Variants in CACNA1C observed in about 807,000 individuals in gnomAD.
CACNA1C encodes the protein calcium voltage-gated channel subunit alpha1 C.
CACNA1C carries 30 observed loss-of-function variants against 229.0 expected under a neutral mutation model. That is an observed-to-expected ratio of 0.13 (90% CI 0.10 to 0.18). The LOEUF (loss-of-function observed/expected upper bound fraction) is 0.18. Ranked by LOEUF, CACNA1C falls within the 10% of genes least tolerant of loss-of-function variation. The pLI, the probability that CACNA1C is intolerant of heterozygous loss-of-function variation, is 1.00. For synonymous variants in CACNA1C, 1,114 were observed against 1,132.5 expected, an observed-to-expected ratio of 0.98 and a Z score of 0.33; for missense variants, 1,658 against 2,845.0, an observed-to-expected ratio of 0.58 and a Z score of 9.49.
At chr12:2,435,941 A>C (rs2099130534) in intron 3 of CACNA1C, among the ~76,000 whole-genome samples, 1 of 152,206 alleles carries the variant, frequency 6.6e-6, no homozygotes, top group Admixed American at 6.5e-5. Context: ...GCAGAACCAC[A>C]GGAAAAGGAG....
chr12:2,100,854 A>G (rs1027493112), intron 1 of CACNA1C, among the ~76,000 whole-genome samples: 1 of 151,826 alleles, frequency 6.6e-6, no homozygotes, highest in Non-Finnish European at 1.5e-5. Flanking sequence ...GGAGTTGGAG[A>G]CCAGCCTGGG....
At position 2,207,229 on chromosome 12, in the gene CACNA1C, A is replaced by G. The variant is rs558942514; in HGVS notation, c.477+86799A>G. ...CTTTCCCGACCCATGACACACCTGG[A>G]CTCTTCCCTTCCCTTTTTCTGGCTG... On this transcript the variant is annotated intron_variant, in intron 3 of 46. Transcript: ENST00000399655. 2.0e-5 allele frequency among the ~76,000 whole-genome samples: 3 copies of G among 151,990 alleles called. No individual in the cohort carries two copies. In the South Asian group the frequency reaches 6.2e-4, roughly 32 times the overall value.
Position 2,595,750 on chromosome 12 carries a change from C to A in CACNA1C, c.2664-124C>A. ...AGACTTCAGAATGAAGAGGTCACTT[C>A]AGGCCAACAAGCACCTGTTGCCAGC... On this transcript the variant is annotated intron_variant, in intron 19 of 46. Transcript: ENST00000399655. The surrounding 1 kb of genome is among the most constrained non-coding windows in gnomAD (Gnocchi z 4.1). 1 of 821,220 alleles carries A rather than the reference C, an allele frequency of 1.2e-6. No individual in the cohort carries two copies. Among genetic ancestry groups the A allele is most frequent in the Non-Finnish European group, 1.9e-6 (1 of 522,648 alleles). The allele number at this position is 821,220 out of a possible 1,614,324, so 50.9% of individuals were successfully genotyped here.
chr12:2,498,705 A>C (rs1367316863), intron 7 of CACNA1C, among the ~76,000 whole-genome samples: 1 of 152,212 alleles, frequency 6.6e-6, no homozygotes, highest in Admixed American at 6.5e-5. Flanking sequence ...AGGGGCACAG[A>C]GCACTCCAGG....
At position 2,168,193 on chromosome 12, in the gene CACNA1C, C is replaced by T. The variant is rs530580121; in HGVS notation, c.477+47763C>T. On this transcript the variant is annotated intron_variant, in intron 3 of 46. Coordinates refer to ENST00000399655, the MANE Select transcript of CACNA1C (RefSeq NM_000719.7). ...TATATTAAGGAATTTGAACTAGATC[C>T]TGAAGGCTGTGATGGAGAGCTTTAA... 1.1e-3 allele frequency among the ~76,000 whole-genome samples: 165 copies of T among 152,256 alleles called. 2 individuals are homozygous for T. In the South Asian group the frequency reaches 0.034, roughly 31 times the overall value.
intron 9 of CACNA1C, among the ~76,000 whole-genome samples, chr12:2,542,452 A>AT (rs1454702895): frequency 6.6e-6 from 1 of 152,152 alleles, no homozygotes; most frequent in Non-Finnish European, 1.5e-5. Flanking sequence ...GACATTGCCC[A>AT]TTTTTTGTTG....
At chr12:2,578,175 A>G (rs1462210789) in intron 13 of CACNA1C, among the ~76,000 whole-genome samples, 1 of 152,176 alleles carries the variant, frequency 6.6e-6, no homozygotes, top group African/African-American at 2.4e-5. Flanking sequence ...GCCAGAAGTA[A>G]TTATTCTTTG....
intron 3 of CACNA1C, among the ~76,000 whole-genome samples, chr12:2,399,888 C>G (rs749293182): frequency 6.6e-6 from 1 of 152,234 alleles, no homozygotes. Context: ...TGAACTCTGA[C>G]TTCCTGTCTC....
Position 2,689,120 on chromosome 12 carries a change from G to A in CACNA1C, c.6117+341G>A, listed in dbSNP as rs1462420247. 1.3e-5 allele frequency among the ~76,000 whole-genome samples: 2 copies of A among 152,172 alleles called. No homozygotes were observed. The highest frequency in any genetic ancestry group is 6.5e-5 in the Admixed American group (1 of 15,290). Reference sequence around the variant, plus strand: ...CCAAGGTGCTCAGGCCTGACTGCCCGTGAGCATCACCTGGGGAGCTTTGGA... The same window carrying A: ...CCAAGGTGCTCAGGCCTGACTGCCCATGAGCATCACCTGGGGAGCTTTGGA... On this transcript the variant is annotated intron_variant, in intron 46 of 46. Coordinates refer to ENST00000399655, the MANE Select transcript of CACNA1C (RefSeq NM_000719.7). The surrounding 1 kb of genome is among the most constrained non-coding windows in gnomAD (Gnocchi z 4.2).
intron 3 of CACNA1C, among the ~76,000 whole-genome samples, chr12:2,395,011 T>G (rs968721874): frequency 1.3e-5 from 2 of 152,072 alleles, no homozygotes; most frequent in East Asian, 3.9e-4. Context: ...CCAGCCTTAT[T>G]TATTTATTTA....
chr12:2,607,204 G>A (rs369553850), intron 26 of CACNA1C, 74 bp downstream of exon 26: 1 of 1,484,764 alleles, frequency 6.7e-7, no homozygotes, highest in African/African-American at 1.4e-5. Context: ...CCATCCCCAA[G>A]TTTTGTTAAT....
chr12:2,160,718 CATTT>C (rs2095812416), intron 3 of CACNA1C, among the ~76,000 whole-genome samples: 1 of 152,180 alleles, frequency 6.6e-6, no homozygotes, highest in African/African-American at 2.4e-5. Context: ...GGAAACTGCC[CATTT>C]ATTTAAGATA....
Position 2,152,838 on chromosome 12 carries a change from G to A in CACNA1C, c.477+32408G>A, listed in dbSNP as rs1219107591. Among the ~76,000 whole-genome samples, 3 of 152,182 alleles carry A rather than the reference G, an allele frequency of 2.0e-5. No individual in the cohort carries two copies. Among genetic ancestry groups the A allele is most frequent in the Admixed American group, 6.5e-5 (1 of 15,274 alleles). On this transcript the variant is annotated intron_variant, in intron 3 of 46. Coordinates refer to ENST00000399655, the MANE Select transcript of CACNA1C (RefSeq NM_000719.7). The surrounding 1 kb of genome is among the most constrained non-coding windows in gnomAD (Gnocchi z 4.2). ...GTTTCCCATGTCACCCACAGGACTG[G>A]TGTGCCCGGTAGGAAAGATTGGTAG...
chr12:2,281,811 G>A (rs1316857152), intron 3 of CACNA1C, among the ~76,000 whole-genome samples: 1 of 151,680 alleles, frequency 6.6e-6, no homozygotes, highest in East Asian at 1.9e-4. Flanking sequence ...TGGAACCTGT[G>A]GGTTTATATT....
intron 3 of CACNA1C, among the ~76,000 whole-genome samples, chr12:2,307,725 T>G (rs2095155264): frequency 6.6e-6 from 1 of 152,224 alleles, no homozygotes; most frequent in African/African-American, 2.4e-5. Context: ...CTCAGGTGCA[T>G]TTGAATTTGC....
intron 9 of CACNA1C, among the ~76,000 whole-genome samples, chr12:2,542,628 C>T (rs879811412): frequency 6.6e-6 from 1 of 152,206 alleles, no homozygotes; most frequent in Non-Finnish European, 1.5e-5. Context: ...AGCTCTAGCA[C>T]TCCTCCCCTA....
At chr12:2,088,088 A>G (rs2068449961) in intron 1 of CACNA1C, among the ~76,000 whole-genome samples, 1 of 152,236 alleles carries the variant, frequency 6.6e-6, no homozygotes, top group South Asian at 2.1e-4. Flanking sequence ...GGAGGTTTGA[A>G]TGAGAAGTAA....
intron 3 of CACNA1C, among the ~76,000 whole-genome samples, chr12:2,421,190 CAT>C (rs548899607): frequency 4.5e-4 from 69 of 152,268 alleles, no homozygotes; most frequent in Admixed American, 1.4e-3. Context: ...ATATATAAAA[CAT>C]GTGATGATTG....
rs60502151 is a variant in CACNA1C, at chr12:2,008,823, C to T, written c.139+37622C>T. ...TCAGCATTGCCATATTGTTCATCTC[C>T]CTGGCCCACAGAGATTTATTTATTT... On this transcript the variant is annotated intron_variant, in intron 1 of 46. Transcript: ENST00000682462. Among the ~76,000 whole-genome samples, 242 of 152,220 alleles carry T rather than the reference C, an allele frequency of 1.6e-3. 1 individual carries two copies. Among genetic ancestry groups the T allele is most frequent in the African/African-American group, 5.7e-3 (236 of 41,546 alleles).
Sources: gnomAD v4.1 joint callset for allele counts (sites outside exome capture counted in the v4.1 genomes callset) on GRCh38, gnomAD v4.1.1 for gene constraint, Gnocchi (gnomAD v3.1) non-coding constraint, MANE v1.5 for transcripts, NCBI Gene and HGNC (gene_info 2026-07-23, HGNC 2026-07-21) for gene names.